The following CUL4B variants were observed in gnomAD, a reference collection of about 807,000 sequenced individuals.
The protein encoded by CUL4B is cullin-4B.
In CUL4B, 1 loss-of-function variant was observed where a neutral mutation model predicts 69.2. That is an observed-to-expected ratio of 0.01 (90% CI 0.01 to 0.07). CUL4B has a LOEUF of 0.07. Ranked by LOEUF, CUL4B falls within the 10% of genes least tolerant of loss-of-function variation. CUL4B has a pLI of 1.00. For missense variants in CUL4B, 328 were observed against 638.8 expected (o/e 0.51, Z 5.24); for synonymous variants, 237 against 223.2 (o/e 1.06, Z -0.55).
chrX:120,552,414 T>C (rs1924743943), intron 2 of CUL4B, among the ~76,000 whole-genome samples: 1 of 112,732 alleles, frequency 8.9e-6, no homozygotes, highest in South Asian at 3.6e-4. Flanking sequence ...TCCCAAAGTG[T>C]TGGGATTTCA....
In CUL4B at chrX:120,541,843, T is replaced by C. The variant is rs1924009294; in HGVS notation, c.1325-123A>G. ...TGATACTGGTTTGAACTATGACTAGTCTGTATGTGAGTTGTAATGTAAGAT... is the reference window on the plus strand; with the variant it reads ...TGATACTGGTTTGAACTATGACTAGCCTGTATGTGAGTTGTAATGTAAGAT... On this transcript the variant is annotated intron_variant, in intron 9 of 19. Coordinates refer to ENST00000371322, the MANE Select transcript of CUL4B (RefSeq NM_001079872.2). The C allele has an allele frequency of 9.6e-6, 5 of 519,355 alleles. No homozygotes were observed. In the Admixed American group the frequency reaches 1.3e-4, roughly 13 times the overall value. The allele number at this position is 519,355 out of a possible 1,213,427, so 42.8% of individuals were successfully genotyped here.
intron 11 of CUL4B, among the ~76,000 whole-genome samples, 188 bp from the exon 12 acceptor site, chrX:120,539,560 C>T (rs973714173): frequency 2.7e-5 from 3 of 111,692 alleles, no homozygotes; most frequent in Admixed American, 9.6e-5. Context: ...CTAATAACAT[C>T]AGGGCCTGAA....
chrX:120,536,803 C>G (rs1481953948), intron 15 of CUL4B, 124 bp downstream of exon 15: 1 of 511,388 alleles, frequency 2.0e-6, no homozygotes, highest in Non-Finnish European at 3.4e-6. Context: ...TCAAGACCAG[C>G]CTGAGCAATA....
downstream of CUL4B, among the ~76,000 whole-genome samples, chrX:120,566,941 A>G (rs893221337): frequency 9.1e-6 from 1 of 110,203 alleles, no homozygotes; most frequent in African/African-American, 3.3e-5. Flanking sequence ...GGACTTGCTT[A>G]TGGAGTTGCT....
At chrX:120,567,944 A>C (rs911788814), downstream of CUL4B, among the ~76,000 whole-genome samples, 1 of 111,309 alleles carries the variant, frequency 9.0e-6, no homozygotes, top group Non-Finnish European at 1.9e-5. Context: ...TTGTAGATGA[A>C]GTAAGTATGT....
At chrX:120,566,369 A>ATATATGTATATATATATATATATATATG (rs1556253205), upstream of CUL4B, among the ~76,000 whole-genome samples, 2 of 56,465 alleles carry the variant, frequency 3.5e-5, no homozygotes, top group African/African-American at 1.1e-4. Flanking sequence ...ATATATATAT[A>ATATATGTATATATATATATATATATATG]TATATATATA....
At chrX:120,570,035 A>G (rs931472353), downstream of CUL4B, among the ~76,000 whole-genome samples, 7 of 111,892 alleles carry the variant, frequency 6.3e-5, no homozygotes, top group Non-Finnish European at 1.1e-4. Context: ...AATGAAGGAA[A>G]TGAAGGCAGC....
chrX:120,539,238 A>G, intron 12 of CUL4B, 30 bp downstream of exon 12: 1 of 872,166 alleles, frequency 1.1e-6, no homozygotes, highest in South Asian at 2.4e-5. Context: ...ATTTTAAAAG[A>G]AAAATATTAA....
chrX:120,543,404 C>T (rs1924120265), intron 8 of CUL4B, among the ~76,000 whole-genome samples: 1 of 110,050 alleles, frequency 9.1e-6, no homozygotes, highest in Non-Finnish European at 1.9e-5. Context: ...CTTAGGAAAG[C>T]ACAGAAATAG....
intron 2 of CUL4B, among the ~76,000 whole-genome samples, chrX:120,550,715 CTG>C (rs756644217): frequency 7.8e-4 from 87 of 111,818 alleles, no homozygotes; most frequent in South Asian, 3.0e-3. Context: ...AGGGAACATT[CTG>C]TTTTTCTAAT....
rs780873167 is a variant in CUL4B, at chrX:120,524,068, T to G, written c.*2693A>C. On this transcript the variant is annotated 3_prime_UTR_variant, in exon 20 of 20. Transcript: ENST00000371322. ...AAATCTTTAGATCCAGATGCCCAGA[T>G]AAACTGGTTTTCTGAACTGTACACT... is the stretch of plus-strand genomic sequence containing the variant. Among the ~76,000 whole-genome samples, 3 of 111,355 alleles carry G rather than the reference T, an allele frequency of 2.7e-5. No individual in the cohort carries two copies. The highest frequency in any genetic ancestry group is 5.7e-5 in the Non-Finnish European group (3 of 53,022).
chrX:120,542,494 A>G (rs1307746368), intron 9 of CUL4B, among the ~76,000 whole-genome samples: 1 of 112,162 alleles, frequency 8.9e-6, no homozygotes, highest in Non-Finnish European at 1.9e-5. Flanking sequence ...TTGGGATTAG[A>G]AGTGCTTGGT....
intron 13 of CUL4B, 23 bp from the exon 14 acceptor site, chrX:120,538,232 TATA>T: frequency 1.9e-6 from 2 of 1,032,668 alleles, no homozygotes; most frequent in Non-Finnish European, 2.7e-6. Context: ...TTTGTACATG[TATA>T]ATATTTTAAA....
intron 1 of CUL4B, 164 bp downstream of exon 1, chrX:120,559,919 G>A: frequency 8.8e-7 from 1 of 1,138,305 alleles, no homozygotes; most frequent in Non-Finnish European, 1.2e-6. Flanking sequence ...ACCACCCCCG[G>A]AAAATGAACC....
At chrX:120,542,064 C>G (rs929683445) in intron 9 of CUL4B, among the ~76,000 whole-genome samples, 2 of 110,717 alleles carry the variant, frequency 1.8e-5, no homozygotes, top group African/African-American at 6.6e-5. Flanking sequence ...CCCCCTCCCC[C>G]TCTCTATTTT....
upstream of CUL4B, among the ~76,000 whole-genome samples, chrX:120,564,776 C>T (rs771767689): frequency 8.0e-5 from 9 of 112,480 alleles, no homozygotes; most frequent in African/African-American, 2.3e-4. Context: ...GTTGAACTCA[C>T]GGGAGCCACA....
rs1203639353 is a variant in CUL4B, at chrX:120,525,990, A to T, written c.*771T>A. 5 of 111,727 alleles carry T rather than the reference A, an allele frequency of 4.5e-5. No individual in the cohort carries two copies. 9.2% of individuals were successfully genotyped at this position (111,727 alleles called of 1,213,427 possible). ...AAGAGTTGGATTTTTCTCTTCTATGATGTTCCTCTAGTACAACTGATCATT... is the reference window on the plus strand; with the variant it reads ...AAGAGTTGGATTTTTCTCTTCTATGTTGTTCCTCTAGTACAACTGATCATT... On this transcript the variant is annotated 3_prime_UTR_variant, in exon 20 of 20. Transcript: ENST00000371322.
chrX:120,559,078 C>T (rs1925141010), intron 1 of CUL4B, among the ~76,000 whole-genome samples: 1 of 110,576 alleles, frequency 9.0e-6, no homozygotes, highest in Admixed American at 9.7e-5. Context: ...AGAGCATACT[C>T]CTGATTTCCA....
In CUL4B at chrX:120,560,451, G is replaced by T; in HGVS notation, c.188C>A (p.Ser63Tyr). ...TTGTAAAGGAGGAGTGGAAGAGGAG[G>T]AAGAGGTGGAATCAAAGTCTTCTCT... ...NEREDFDSTS[S>Y]SSSTPPLQPR... Residue 63 changes from serine to tyrosine, a missense_variant, in exon 1 of 20, where the codon TCC (serine) becomes TAC (tyrosine). Physicochemically the swap from Ser to Tyr is moderately radical, Grantham distance 144. Coordinates refer to ENST00000371322, the MANE Select transcript of CUL4B (RefSeq NM_001079872.2). 8.3e-7 allele frequency: 1 copy of T among 1,209,675 alleles called. No individual in the cohort carries two copies. The highest frequency in any genetic ancestry group is 1.1e-6 in the Non-Finnish European group (1 of 893,874).
Sources: allele counts gnomAD v4.1 joint callset (sites outside exome capture counted in the v4.1 genomes callset), GRCh38; gene constraint gnomAD v4.1.1; transcripts MANE v1.5; gene names NCBI Gene and HGNC (gene_info 2026-07-23, HGNC 2026-07-21).